PLA2G2D: variants seen among roughly 807,000 people sequenced by gnomAD.
PLA2G2D encodes phospholipase A2 group IID.
Under a neutral mutation model 13.9 loss-of-function variants are expected in PLA2G2D, and 17 were observed. That is an observed-to-expected ratio of 1.23 (90% CI 0.84 to 1.84). The LOEUF (loss-of-function observed/expected upper bound fraction) is 1.84, where lower values mean the gene tolerates loss of function less well. Ranked by LOEUF, PLA2G2D falls within the 40% of genes most tolerant of loss-of-function variation. The pLI, the probability that PLA2G2D is intolerant of heterozygous loss-of-function variation, is 0.00. For missense variants in PLA2G2D, 194 were observed against 178.7 expected (o/e 1.09, Z -0.49); for synonymous variants, 83 against 69.3 (o/e 1.20, Z -0.98).
Position 20,114,049 on chromosome 1 carries a change from G to A in PLA2G2D, c.*65C>T. 6.6e-7 allele frequency: 1 copy of A among 1,509,438 alleles called. No individual in the cohort carries two copies. Among genetic ancestry groups the A allele is most frequent in the Non-Finnish European group, 9.1e-7 (1 of 1,101,880 alleles). The allele number at this position is 1,509,438 out of a possible 1,614,324, so 93.5% of individuals were successfully genotyped here. On this transcript the variant is annotated 3_prime_UTR_variant, in exon 4 of 4. Coordinates refer to ENST00000375105, the MANE Select transcript of PLA2G2D (RefSeq NM_012400.4). ...GTGTTTGAAAAGCCAGGCTGGTTCA[G>A]GTTAGATACTGAGGTGGGGATGCCA...
chr1:20,119,056 T>C lies in PLA2G2D; in HGVS notation c.40+403A>G, dbSNP rs528355777. The stretch of plus-strand genomic sequence containing the variant: ...AAGTCAAGGGAACCCTCTTCCCAGG[T>C]TCAAGGCAGATCATGAACATGAAAC... On this transcript the variant is annotated intron_variant, in intron 1 of 3. Transcript: ENST00000375105. Among the ~76,000 whole-genome samples the C allele has an allele frequency of 2.6e-5, 4 of 152,202 alleles. No homozygotes were observed. In the East Asian group the frequency reaches 7.7e-4, roughly 29 times the overall value.
chr1:20,119,170 G>A (rs545194319), intron 1 of PLA2G2D, among the ~76,000 whole-genome samples: 26 of 152,280 alleles, frequency 1.7e-4, no homozygotes, highest in African/African-American at 4.8e-4. Flanking sequence ...TGTCCAAAGC[G>A]TCATCATCAT....
In PLA2G2D at chr1:20,119,445, C is replaced by T. The variant is rs1387133958; in HGVS notation, c.40+14G>A. ...CTCCTTCCCTTCCCAGCCTGGGTCC[C>T]GTCCCCGACTCACCAGCCATCACCA... On this transcript the variant is annotated intron_variant, in intron 1 of 3. Transcript: ENST00000375105. 8.7e-6 allele frequency: 14 copies of T among 1,611,622 alleles called. No individual in the cohort carries two copies. Among genetic ancestry groups the T allele is most frequent in the African/African-American group, 1.3e-5 (1 of 74,806 alleles).
intron 3 of PLA2G2D, 152 bp from the exon 4 acceptor site, chr1:20,114,411 G>A (rs774364607): frequency 1.4e-6 from 1 of 708,350 alleles, no homozygotes. Flanking sequence ...ACTTGGCCAC[G>A]TACCGTGACC....
intron 2 of PLA2G2D, 48 bp from the exon 3 acceptor site, chr1:20,115,661 G>T: frequency 8.4e-7 from 1 of 1,193,312 alleles, no homozygotes; most frequent in Non-Finnish European, 1.3e-6. Context: ...GCCTACTGGG[G>T]TCTCTGGCTG....
chr1:20,113,691 T>A lies in PLA2G2D; in HGVS notation c.*423A>T. 1 of 161,454 alleles carries A rather than the reference T, an allele frequency of 6.2e-6. No individual in the cohort carries two copies. Among genetic ancestry groups the A allele is most frequent in the Non-Finnish European group, 1.4e-5 (1 of 73,958 alleles). 10.0% of individuals were successfully genotyped at this position (161,454 alleles called of 1,614,324 possible). A position where few individuals can be genotyped will look rare whatever the true frequency, so the allele number is the denominator to read the frequency against. Reference sequence around the variant, plus strand: ...CTTTATCTTAGGACAGTGGAGGGCCTTGAGGTTTTAAAAGATAGAGCCACA... The same window carrying A: ...CTTTATCTTAGGACAGTGGAGGGCCATGAGGTTTTAAAAGATAGAGCCACA... On this transcript the variant is annotated 3_prime_UTR_variant, in exon 4 of 4. Coordinates refer to ENST00000375105, the MANE Select transcript of PLA2G2D (RefSeq NM_012400.4).
At position 20,116,416 on chromosome 1, in the gene PLA2G2D, C is replaced by T. The variant is rs776853094; in HGVS notation, c.102G>A (p.Gly34=). 1 of 1,614,112 alleles carries T rather than the reference C, an allele frequency of 6.2e-7. No homozygotes were observed. Among genetic ancestry groups the T allele is most frequent in the Non-Finnish European group, 8.5e-7 (1 of 1,180,000 alleles). Residue 34 remains glycine (G), a synonymous_variant, in exon 2 of 4, where the codon GGG becomes GGA. Coordinates refer to ENST00000375105, the MANE Select transcript of PLA2G2D (RefSeq NM_012400.4). ...GCCAGTAGGAGAGGATGGGCATTTT[C>T]CCAGTCACTTGCTTGACCATCTTGT... ...NLNKMVKQVT[G]KMPILSYWPY... is the part of the protein sequence containing the mutation.
chr1:20,114,297 T>C (rs377403900), intron 3 of PLA2G2D, 38 bp from the exon 4 acceptor site: 71 of 1,593,302 alleles, frequency 4.5e-5, no homozygotes, highest in Non-Finnish European at 5.1e-6. Flanking sequence ...GTTTGTCCTT[T>C]TCCGAGACAG....
chr1:20,116,549 G>A, intron 1 of PLA2G2D, 72 bp from the exon 2 acceptor site: 1 of 1,452,660 alleles, frequency 6.9e-7, no homozygotes, highest in Non-Finnish European at 9.7e-7. Flanking sequence ...GCACAGGACG[G>A]CACCTCTGCT....
rs1452794082 is a variant in PLA2G2D at position 20,112,797 on chromosome 1, GAGTGTCATTC to G, written c.*1307_*1316del. Reference sequence around the variant, plus strand: ...CAGCCCGATCCCAGGAACAATTTGAGAGTGTCATTCAACCCAGACAATCCTGCACAGACAC... The same window carrying G: ...CAGCCCGATCCCAGGAACAATTTGAGAACCCAGACAATCCTGCACAGACAC... On this transcript the variant is annotated 3_prime_UTR_variant, in exon 4 of 4. Transcript: ENST00000375105. 1 of 152,230 alleles carries G rather than the reference GAGTGTCATTC, an allele frequency of 6.6e-6. No homozygotes were observed. The highest frequency in any genetic ancestry group is 1.9e-4 in the East Asian group (1 of 5,190). The allele number at this position is 152,230 out of a possible 1,614,324, so 9.4% of individuals were successfully genotyped here.
Position 20,118,255 on chromosome 1 carries a change from A to G in PLA2G2D, c.40+1204T>C, listed in dbSNP as rs62543908. Among the ~76,000 whole-genome samples the G allele has an allele frequency of 9.2e-3, 1,395 of 152,304 alleles. 17 individuals are homozygous for G. Among genetic ancestry groups the G allele is most frequent in the African/African-American group, 0.032 (1,317 of 41,566 alleles). On this transcript the variant is annotated intron_variant, in intron 1 of 3. Transcript: ENST00000375105. ...CCTTTCAATCTGGGCTCAGAAATAC[A>G]TAAACTGAACTCACACCTGAATGAT...
intron 1 of PLA2G2D, 80 bp downstream of exon 1, chr1:20,119,379 C>G: frequency 1.6e-6 from 2 of 1,241,278 alleles, no homozygotes; most frequent in Non-Finnish European, 2.4e-6. Flanking sequence ...AGCAGCAGCC[C>G]CCTAATCTGG....
At chr1:20,115,642 G>A (rs1177074015) in intron 2 of PLA2G2D, 29 bp from the exon 3 acceptor site, 1 of 1,406,398 alleles carries the variant, frequency 7.1e-7, no homozygotes, top group Non-Finnish European at 1.0e-6. Context: ...ACAGCTGCAT[G>A]GGTCCCCAGC....
intron 2 of PLA2G2D, among the ~76,000 whole-genome samples, chr1:20,116,014 T>C (rs1406040268): frequency 6.6e-6 from 1 of 151,832 alleles, no homozygotes; most frequent in Admixed American, 6.6e-5. Context: ...GAAGATCAAA[T>C]GAGATAACAG....
At chr1:20,114,322 C>T in intron 3 of PLA2G2D, 63 bp from the exon 4 acceptor site, 1 of 1,522,346 alleles carries the variant, frequency 6.6e-7, no homozygotes, top group South Asian at 1.2e-5. Flanking sequence ...AGGTATGAGT[C>T]TAGCAGCCTC....
chr1:20,116,276 A>C, intron 2 of PLA2G2D, 57 bp downstream of exon 2: 1 of 1,541,376 alleles, frequency 6.5e-7, no homozygotes, highest in Non-Finnish European at 9.0e-7. Context: ...TGGAGAGAAA[A>C]GAAGAGTACC....
intron 1 of PLA2G2D, 148 bp downstream of exon 1, chr1:20,119,311 G>T (rs2017044140): frequency 2.6e-6 from 2 of 769,302 alleles, no homozygotes; most frequent in East Asian, 5.0e-5. Context: ...GGCCACTGAA[G>T]GCTCTTTGCA....
intron 1 of PLA2G2D, 104 bp from the exon 2 acceptor site, chr1:20,116,581 C>A: frequency 1.0e-6 from 1 of 977,246 alleles, no homozygotes; most frequent in Non-Finnish European, 1.6e-6. Flanking sequence ...AAATGAGTGA[C>A]CTCAGATGAT....
intron 1 of PLA2G2D, 123 bp downstream of exon 1, chr1:20,119,336 T>C (rs2017046922): frequency 7.0e-6 from 6 of 861,452 alleles, no homozygotes; most frequent in Non-Finnish European, 1.2e-5. Context: ...GGCAGAAGGA[T>C]TGGGGAGTGG....
Sources: allele counts gnomAD v4.1 joint callset (sites outside exome capture counted in the v4.1 genomes callset), GRCh38; gene constraint gnomAD v4.1.1; transcripts MANE v1.5; gene names NCBI Gene and HGNC (gene_info 2026-07-23, HGNC 2026-07-21).